RAB11FIP3: variants seen among roughly 807,000 people sequenced by gnomAD.
RAB11FIP3 encodes rab11 family-interacting protein 3.
Under a neutral mutation model 77.8 loss-of-function variants are expected in RAB11FIP3, and 17 were observed. The ratio of observed to expected loss-of-function variants is 0.22; its 90% CI spans 0.15 to 0.33. The LOEUF is 0.33. Ranked by LOEUF, RAB11FIP3 falls within the 10% of genes least tolerant of loss-of-function variation. The probability of loss-of-function intolerance (pLI) is 1.00; values close to 1 mark genes in which losing one functional copy is unlikely to be tolerated. For missense variants in RAB11FIP3, 1,005 were observed against 1,011.2 expected, an observed-to-expected ratio of 0.99 and a Z score of 0.08; for synonymous variants, 437 against 448.2, an observed-to-expected ratio of 0.98 and a Z score of 0.31.
chr16:474,570 A>G (rs2055866124), intron 3 of RAB11FIP3, among the ~76,000 whole-genome samples: 1 of 152,076 alleles, frequency 6.6e-6, no homozygotes, highest in African/African-American at 2.4e-5. Context: ...GGAAGAGCGA[A>G]GGGAAAGTCA....
At position 492,693 on chromosome 16, in the gene RAB11FIP3, T is replaced by G. The variant is rs574438321; in HGVS notation, c.1265+3693T>G. On this transcript the variant is annotated intron_variant, in intron 5 of 13. Transcript: ENST00000262305. ...GTTCTTCCCACGCAGAGACTTGCCCTCCCACTCACCGATAAGTTGAGTGCA... is the reference window on the plus strand; with the variant it reads ...GTTCTTCCCACGCAGAGACTTGCCCGCCCACTCACCGATAAGTTGAGTGCA... Among the ~76,000 whole-genome samples, 42 of 152,310 alleles carry G rather than the reference T, an allele frequency of 2.8e-4. No individual in the cohort carries two copies. The South Asian group carries it at 8.7e-3, about 32-fold the overall frequency.
intron 2 of RAB11FIP3, among the ~76,000 whole-genome samples, chr16:462,111 C>G (rs886337616): frequency 6.6e-6 from 1 of 152,228 alleles, no homozygotes; most frequent in Non-Finnish European, 1.5e-5. Context: ...GAGCCTGTCA[C>G]GCACATCACT....
intron 1 of RAB11FIP3, among the ~76,000 whole-genome samples, chr16:451,995 A>G (rs1179739722): frequency 6.6e-6 from 1 of 152,092 alleles, no homozygotes; most frequent in African/African-American, 2.4e-5. Context: ...CTAAAAATAC[A>G]AAAATTAGCT....
intron 3 of RAB11FIP3, among the ~76,000 whole-genome samples, chr16:475,692 T>G (rs2055891064): frequency 6.6e-6 from 1 of 151,954 alleles, no homozygotes; most frequent in African/African-American, 2.4e-5. Flanking sequence ...GCTCTGAGTA[T>G]CGATGGCGAT....
At chr16:434,084 T>A (rs955993764) in intron 1 of RAB11FIP3, among the ~76,000 whole-genome samples, 1 of 152,096 alleles carries the variant, frequency 6.6e-6, no homozygotes, top group Non-Finnish European at 1.5e-5. Flanking sequence ...TTTTTGAAAT[T>A]GAAGGTCTCT....
intron 1 of RAB11FIP3, among the ~76,000 whole-genome samples, chr16:441,359 G>T (rs969518098): frequency 2.0e-5 from 3 of 152,144 alleles, no homozygotes; most frequent in African/African-American, 7.2e-5. Flanking sequence ...ACAAACCCAT[G>T]CTCTAGGAGT....
chr16:509,649 G>A (rs915922717), intron 8 of RAB11FIP3, among the ~76,000 whole-genome samples: 1 of 152,178 alleles, frequency 6.6e-6, no homozygotes, highest in Non-Finnish European at 1.5e-5. Flanking sequence ...TTTCCCCTGT[G>A]GTCTAGCTGA....
intron 1 of RAB11FIP3, among the ~76,000 whole-genome samples, chr16:444,812 A>G (rs751496836): frequency 1.3e-5 from 2 of 148,696 alleles, no homozygotes; most frequent in South Asian, 4.3e-4. Flanking sequence ...TAGCGAGACT[A>G]TCTCTATTAA....
chr16:442,432 C>A (rs2055243268), intron 1 of RAB11FIP3, among the ~76,000 whole-genome samples: 1 of 152,158 alleles, frequency 6.6e-6, no homozygotes, highest in African/African-American at 2.4e-5. Flanking sequence ...TTATTAGAAC[C>A]CTCGTGAAGG....
rs1480988573 is a variant in RAB11FIP3, at chr16:520,975, G to A, written c.*136G>A. The A allele has an allele frequency of 1.4e-6, 1 of 730,078 alleles. No homozygotes were observed. Among genetic ancestry groups the A allele is most frequent in the Non-Finnish European group, 2.4e-6 (1 of 423,700 alleles). 45.2% of individuals were successfully genotyped at this position (730,078 alleles called of 1,614,324 possible). ...GCATGCAGGGAACCCTCGTGCAGCTGAGCTGGGGCCGCCAAAGACCGGGGC... is the reference window on the plus strand; with the variant it reads ...GCATGCAGGGAACCCTCGTGCAGCTAAGCTGGGGCCGCCAAAGACCGGGGC... On this transcript the variant is annotated 3_prime_UTR_variant, in exon 14 of 14. Coordinates refer to ENST00000262305, the MANE Select transcript of RAB11FIP3 (RefSeq NM_014700.4).
chr16:492,271 G>C (rs899151763), intron 5 of RAB11FIP3, among the ~76,000 whole-genome samples: 2 of 151,350 alleles, frequency 1.3e-5, no homozygotes, highest in African/African-American at 4.9e-5. Flanking sequence ...TGGAGAGGAT[G>C]GGGGTGGGGC....
Position 507,623 on chromosome 16 carries a change from T to C in RAB11FIP3, c.1499+1996T>C, listed in dbSNP as rs1328263775. Among the ~76,000 whole-genome samples the C allele has an allele frequency of 1.3e-5, 2 of 152,250 alleles. No individual in the cohort carries two copies. Among genetic ancestry groups the C allele is most frequent in the African/African-American group, 2.4e-5 (1 of 41,460 alleles). ...GTTCATCTGTTTTCCGTGTGTGTGG[T>C]GTGAAGTCCACACTGCCGCCTGGCA... On this transcript the variant is annotated intron_variant, in intron 8 of 13. Coordinates refer to ENST00000262305, the MANE Select transcript of RAB11FIP3 (RefSeq NM_014700.4). This position sits in a 1 kb window ranked among gnomAD's most constrained non-coding sequence, Gnocchi z 4.6.
At chr16:430,650 G>C (rs1476331946) in intron 1 of RAB11FIP3, among the ~76,000 whole-genome samples, 1 of 152,036 alleles carries the variant, frequency 6.6e-6, no homozygotes, top group African/African-American at 2.4e-5. Flanking sequence ...CACCTCCTGG[G>C]CTCAAGCAGT....
intron 12 of RAB11FIP3, 26 bp from the exon 13 acceptor site, chr16:520,433 C>T (rs1305181453): frequency 6.2e-7 from 1 of 1,612,304 alleles, no homozygotes; most frequent in Non-Finnish European, 8.5e-7. Context: ...GGCCACAGCC[C>T]AGTAGTGATG....
At position 440,082 on chromosome 16, in the gene RAB11FIP3, C is replaced by T. The variant is rs147161319; in HGVS notation, c.714+13362C>T. On this transcript the variant is annotated intron_variant, in intron 1 of 13. Transcript: ENST00000262305. ...GTCTCGATCTCCTGACCTCATGATC[C>T]GCCCCCCCCATCGGCCTCCCAAAGT... Among the ~76,000 whole-genome samples, 10 of 151,944 alleles carry T rather than the reference C, an allele frequency of 6.6e-5. No homozygotes were observed. In the East Asian group the frequency reaches 1.4e-3, roughly 21 times the overall value.
intron 1 of RAB11FIP3, among the ~76,000 whole-genome samples, chr16:444,411 A>G (rs115623880): frequency 0.028 from 4,247 of 152,180 alleles, 223 homozygotes; most frequent in African/African-American, 0.097. Flanking sequence ...AGTTTTCTCT[A>G]CTGTTGGATG....
intron 1 of RAB11FIP3, among the ~76,000 whole-genome samples, chr16:459,328 G>A (rs778830739): frequency 6.6e-5 from 10 of 151,284 alleles, no homozygotes; most frequent in Admixed American, 3.3e-4. Flanking sequence ...GTTTCTCCAC[G>A]TTGGTGAGGC....
intron 1 of RAB11FIP3, among the ~76,000 whole-genome samples, chr16:449,194 G>A (rs1305595861): frequency 2.0e-5 from 3 of 152,126 alleles, no homozygotes; most frequent in Non-Finnish European, 1.5e-5. Flanking sequence ...TCCTCCTCCA[G>A]GCCTGTGCAG....
At chr16:441,586 T>G (rs190269044) in intron 1 of RAB11FIP3, among the ~76,000 whole-genome samples, 45 of 152,312 alleles carry the variant, frequency 3.0e-4, no homozygotes, top group African/African-American at 1.1e-3. Context: ...CTCTCTAAAT[T>G]GATCTCACGC....
Sources: gnomAD v4.1 joint callset for allele counts (sites outside exome capture counted in the v4.1 genomes callset) on GRCh38, gnomAD v4.1.1 for gene constraint, Gnocchi (gnomAD v3.1) non-coding constraint, MANE v1.5 for transcripts, NCBI Gene and HGNC (gene_info 2026-07-23, HGNC 2026-07-21) for gene names.